Variants in GPX6 observed in about 807,000 individuals in gnomAD.
GPX6 encodes glutathione peroxidase 6.
In GPX6, 21 loss-of-function variants were observed where a neutral mutation model predicts 20.0. The ratio of observed to expected loss-of-function variants is 1.05; its 90% CI spans 0.74 to 1.51. The LOEUF is 1.51. GPX6 is among the 40% of genes most tolerant of loss of function. The pLI, the probability that GPX6 is intolerant of heterozygous loss-of-function variation, is 0.00. For missense variants in GPX6, 233 were observed against 254.7 expected, an observed-to-expected ratio of 0.91 and a Z score of 0.58; for synonymous variants, 75 against 98.0, an observed-to-expected ratio of 0.77 and a Z score of 1.38.
In GPX6 at chr6:28,504,286, C is replaced by G. The variant is rs1762784733; in HGVS notation, c.*6G>C. ...GGTAGTTATTTCTGTCAGTCGCTAG[C>G]CCTTCCTAGTGGGTATTGAACTGCT... On this transcript the variant is annotated 3_prime_UTR_variant, in exon 5 of 5. Coordinates refer to ENST00000361902, the MANE Select transcript of GPX6 (RefSeq NM_182701.1). The G allele has an allele frequency of 4.3e-6, 7 of 1,612,752 alleles. No homozygotes were observed. Among genetic ancestry groups the G allele is most frequent in the African/African-American group, 4.0e-5 (3 of 74,902 alleles).
chr6:28,514,593 G>A (rs1259571387), intron 1 of GPX6, among the ~76,000 whole-genome samples: 2 of 152,164 alleles, frequency 1.3e-5, no homozygotes, highest in Non-Finnish European at 2.9e-5. Flanking sequence ...AAAGCTCAAA[G>A]CTTCAGGTGT....
At chr6:28,514,157 G>A (rs1762982141) in intron 1 of GPX6, among the ~76,000 whole-genome samples, 2 of 152,194 alleles carry the variant, frequency 1.3e-5, no homozygotes, top group Non-Finnish European at 2.9e-5. Context: ...AAATCACCAT[G>A]TGAGCTGTCA....
At position 28,513,463 on chromosome 6, in the gene GPX6, C is replaced by A. The variant is rs1762953917; in HGVS notation, c.87+2194G>T. Among the ~76,000 whole-genome samples, 3 of 152,178 alleles carry A rather than the reference C, an allele frequency of 2.0e-5. No individual in the cohort carries two copies. In the South Asian group the frequency reaches 6.2e-4, roughly 32 times the overall value. ...AGCGGCGGGGAACTGAAGCAGCGAGCCACACGCCCCGTCGCATGCCTTGTG... is the reference window on the plus strand; with the variant it reads ...AGCGGCGGGGAACTGAAGCAGCGAGACACACGCCCCGTCGCATGCCTTGTG... On this transcript the variant is annotated intron_variant, in intron 1 of 4. Transcript: ENST00000361902.
intron 4 of GPX6, among the ~76,000 whole-genome samples, chr6:28,505,300 G>C (rs778631991): frequency 1.3e-5 from 2 of 152,066 alleles, no homozygotes; most frequent in Non-Finnish European, 2.9e-5. Flanking sequence ...CTTCTATCCT[G>C]GTATTCTGTA....
intron 1 of GPX6, among the ~76,000 whole-genome samples, chr6:28,513,158 A>C (rs547043792): frequency 6.6e-6 from 1 of 152,144 alleles, no homozygotes; most frequent in Admixed American, 6.5e-5. Flanking sequence ...CTTCCACTTA[A>C]TAAAACCTTG....
intron 2 of GPX6, 151 bp from the exon 3 acceptor site, chr6:28,506,580 A>G (rs1409835028): frequency 1.9e-6 from 1 of 514,094 alleles, no homozygotes; most frequent in East Asian, 3.2e-5. Flanking sequence ...GGAGTAGAGA[A>G]AAAAAAAAAA....
At position 28,509,365 on chromosome 6, in the gene GPX6, CAAA is replaced by C. The variant is rs34508933; in HGVS notation, c.241+1383_241+1385del. On this transcript the variant is annotated intron_variant, in intron 2 of 4. Coordinates refer to ENST00000361902, the MANE Select transcript of GPX6 (RefSeq NM_182701.1). ...CAAAACACTGCCTCTGCTAAAAATG[CAAA>C]AAAAAAAAAAAAAAAATTAGCTAGA... Among the ~76,000 whole-genome samples the C allele has an allele frequency of 7.4e-4, 75 of 101,094 alleles. No individual in the cohort carries two copies. The South Asian group carries it at 0.011, about 15-fold the overall frequency. 66.3% of individuals were successfully genotyped at this position (101,094 alleles called of 152,430 possible).
chr6:28,510,246 G>C, intron 2 of GPX6, among the ~76,000 whole-genome samples: 1 of 152,152 alleles, frequency 6.6e-6, no homozygotes, highest in South Asian at 2.1e-4. Flanking sequence ...AGTGACTGCT[G>C]CTTCTTTACC....
chr6:28,514,840 CACT>C (rs1762995243), intron 1 of GPX6, among the ~76,000 whole-genome samples: 1 of 152,194 alleles, frequency 6.6e-6, no homozygotes, highest in African/African-American at 2.4e-5. Context: ...ATATGGCCAC[CACT>C]GAGGCTGCTT....
intron 1 of GPX6, among the ~76,000 whole-genome samples, chr6:28,512,745 A>C (rs941604303): frequency 1.2e-4 from 18 of 152,102 alleles, no homozygotes; most frequent in African/African-American, 4.1e-4. Flanking sequence ...TGTAACACTC[A>C]CCGTGAAGGT....
chr6:28,510,958 C>T (rs527866334), intron 1 of GPX6, 54 bp from the exon 2 acceptor site: 15 of 1,484,988 alleles, frequency 1.0e-5, no homozygotes, highest in African/African-American at 1.4e-5. Context: ...TAATTCCCAA[C>T]ATTTGTGGAC....
chr6:28,513,278 G>A (rs1187637544), intron 1 of GPX6, among the ~76,000 whole-genome samples: 1 of 152,210 alleles, frequency 6.6e-6, no homozygotes, highest in Non-Finnish European at 1.5e-5. Context: ...GTCTAATGGA[G>A]CTAACACAAG....
At chr6:28,511,138 T>G (rs564258726) in intron 1 of GPX6, among the ~76,000 whole-genome samples, 1 of 152,208 alleles carries the variant, frequency 6.6e-6, no homozygotes, top group African/African-American at 2.4e-5. Context: ...TTTCATAATA[T>G]TCTTCCCGTT....
intron 1 of GPX6, among the ~76,000 whole-genome samples, chr6:28,512,519 A>G (rs1265378608): frequency 6.6e-6 from 1 of 152,162 alleles, no homozygotes; most frequent in Non-Finnish European, 1.5e-5. Flanking sequence ...TAAAGGCACC[A>G]ATCCGCACCC....
rs911082555 is a variant in GPX6 at position 28,504,135 on chromosome 6, C to T, written c.*157G>A. Reference sequence around the variant, plus strand: ...ACACACACACACACAGCTACACACACATGCTAAGCAGGTGCTTGGGTAGTA... The same window carrying T: ...ACACACACACACACAGCTACACACATATGCTAAGCAGGTGCTTGGGTAGTA... On this transcript the variant is annotated 3_prime_UTR_variant, in exon 5 of 5. Transcript: ENST00000361902. The T allele has an allele frequency of 4.8e-6, 3 of 622,006 alleles. No individual in the cohort carries two copies. In the African/African-American group the frequency reaches 5.7e-5, roughly 12 times the overall value. The allele number at this position is 622,006 out of a possible 1,614,324, so 38.5% of individuals were successfully genotyped here. A position where few individuals can be genotyped will look rare whatever the true frequency, so the allele number is the denominator to read the frequency against.
rs1561998812 is a variant in GPX6 at position 28,506,398 on chromosome 6, ATTC to A, written c.270_272del (p.Lys90del). On this transcript the variant is annotated inframe_deletion, in exon 3 of 5. Transcript: ENST00000361902. ...GAAAGGCCAACACAATGACACCAAA[ATTC>A]TTCAGCTCCTCCTGTAGTGCATTCA... is the stretch of plus-strand genomic sequence containing the variant. 7 of 1,613,620 alleles carry A rather than the reference ATTC, an allele frequency of 4.3e-6. No homozygotes were observed. The highest frequency in any genetic ancestry group is 5.9e-6 in the Non-Finnish European group (7 of 1,179,536).
At chr6:28,513,102 A>G (rs1368475116) in intron 1 of GPX6, among the ~76,000 whole-genome samples, 3 of 152,224 alleles carry the variant, frequency 2.0e-5, no homozygotes, top group Non-Finnish European at 2.9e-5. Flanking sequence ...GCCGGGCTCC[A>G]GGGAAAAACC....
At chr6:28,507,644 A>C (rs1204140238) in intron 2 of GPX6, among the ~76,000 whole-genome samples, 1 of 152,238 alleles carries the variant, frequency 6.6e-6, no homozygotes, top group Non-Finnish European at 1.5e-5. Context: ...AGCTCACTGC[A>C]ATCTCCGCCT....
rs746528895 is a variant in GPX6, at chr6:28,515,339, A to C, written c.87+318T>G. On this transcript the variant is annotated intron_variant, in intron 1 of 4. Coordinates refer to ENST00000361902, the MANE Select transcript of GPX6 (RefSeq NM_182701.1). ...GCGCTACTCCAAGTTATGGACCAGC[A>C]TGAAGGGGACAGGCTCTAGGCTATC... 9.9e-4 allele frequency among the ~76,000 whole-genome samples: 151 copies of C among 152,318 alleles called. 1 individual carries two copies. The highest frequency in any genetic ancestry group is 1.6e-3 in the Non-Finnish European group (112 of 68,032).
Sources: gnomAD v4.1 joint callset for allele counts (sites outside exome capture counted in the v4.1 genomes callset) on GRCh38, gnomAD v4.1.1 for gene constraint, MANE v1.5 for transcripts, NCBI Gene and HGNC (gene_info 2026-07-23, HGNC 2026-07-21) for gene names.